PTK2: variants seen among roughly 807,000 people sequenced by gnomAD.
PTK2 encodes protein tyrosine kinase 2.
A neutral mutation model predicts 150.1 loss-of-function variants in PTK2; 45 were observed. That is an observed-to-expected ratio of 0.30 (90% CI 0.24 to 0.38). PTK2 has a LOEUF of 0.38. Ranked by LOEUF, PTK2 falls within the 10% of genes least tolerant of loss-of-function variation. PTK2 has a pLI of 1.00. For synonymous variants in PTK2, 432 were observed against 449.2 expected (o/e 0.96, Z 0.48); for missense variants, 919 against 1,307.3 (o/e 0.70, Z 4.58).
rs144832785 is a variant in PTK2 at position 140,826,322 on chromosome 8, T to C, written c.648+4150A>G. Among the ~76,000 whole-genome samples the C allele has an allele frequency of 3.5e-3, 530 of 152,336 alleles. 4 individuals carry two copies. The highest frequency in any genetic ancestry group is 0.012 in the African/African-American group (503 of 41,578). ...TATAGTTGTTACCCCCATGAGCATA[T>C]GTTGGTACCATATTCCATAGAAGTT... On this transcript the variant is annotated intron_variant, in intron 8 of 31. Coordinates refer to ENST00000522684, the Ensembl canonical transcript of PTK2.
chr8:140,947,624 GT>G (rs879658674), intron 1 of PTK2, among the ~76,000 whole-genome samples: 35 of 147,634 alleles, frequency 2.4e-4, no homozygotes, highest in East Asian at 7.9e-4. Context: ...AAGTATGCAA[GT>G]TTTTTTTTTT....
chr8:140,757,686 C>T (rs1231761479), intron 16 of PTK2, among the ~76,000 whole-genome samples: 1 of 152,116 alleles, frequency 6.6e-6, no homozygotes, highest in African/African-American at 2.4e-5. Context: ...AGTCAATTTT[C>T]TCTGTTATTG....
intron 4 of PTK2, among the ~76,000 whole-genome samples, chr8:140,869,572 G>A (rs759119584): frequency 2.0e-5 from 3 of 150,038 alleles, no homozygotes; most frequent in Non-Finnish European, 4.4e-5. Flanking sequence ...TACATAAGTA[G>A]TAAAACCTTT....
intron 26 of PTK2, among the ~76,000 whole-genome samples, chr8:140,691,662 G>A (rs2100023292): frequency 6.6e-6 from 1 of 152,174 alleles, no homozygotes; most frequent in Non-Finnish European, 1.5e-5. Flanking sequence ...CATTTTTCTA[G>A]TGAACTGATT....
chr8:140,982,824 TAAC>T (rs1223681664), intron 1 of PTK2, among the ~76,000 whole-genome samples: 2 of 152,220 alleles, frequency 1.3e-5, no homozygotes, highest in African/African-American at 4.8e-5. Context: ...TTTAAAGAGT[TAAC>T]AATACTTATT....
At position 140,814,868 on chromosome 8, in the gene PTK2, G is replaced by A. The variant is rs185893681; in HGVS notation, c.867+3409C>T. On this transcript the variant is annotated intron_variant, in intron 10 of 31. Transcript: ENST00000522684. ...CGGCTCACTGCAAGCTCCGCCTCCC[G>A]GGTTGATGCCATTCTCCTGCCTCAG... Among the ~76,000 whole-genome samples the A allele has an allele frequency of 4.4e-3, 664 of 151,012 alleles. 4 individuals are homozygous for A. The highest frequency in any genetic ancestry group is 0.015 in the African/African-American group (622 of 41,100).
chr8:140,748,627 C>T (rs2100060967), intron 17 of PTK2, among the ~76,000 whole-genome samples: 1 of 152,026 alleles, frequency 6.6e-6, no homozygotes, highest in African/African-American at 2.4e-5. Flanking sequence ...GAGTCTGATG[C>T]TAAATGTGGC....
At chr8:140,792,162 C>T (rs537770985) in intron 13 of PTK2, among the ~76,000 whole-genome samples, 1 of 152,320 alleles carries the variant, frequency 6.6e-6, no homozygotes, top group South Asian at 2.1e-4. Context: ...CGCAGAGTTG[C>T]CACCATCCCC....
intron 1 of PTK2, among the ~76,000 whole-genome samples, chr8:140,955,028 A>G (rs914337643): frequency 6.6e-6 from 1 of 152,254 alleles, no homozygotes; most frequent in African/African-American, 2.4e-5. Flanking sequence ...GGAAATATAC[A>G]TGAAATAACT....
At chr8:140,680,895 C>T (rs983743903) in intron 27 of PTK2, among the ~76,000 whole-genome samples, 1 of 152,172 alleles carries the variant, frequency 6.6e-6, no homozygotes, top group Non-Finnish European at 1.5e-5. Context: ...GTTGCATACA[C>T]ACCTGTGACT....
At chr8:140,832,374 A>G (rs1490026167) in intron 7 of PTK2, among the ~76,000 whole-genome samples, 1 of 152,048 alleles carries the variant, frequency 6.6e-6, no homozygotes, top group African/African-American at 2.4e-5. Flanking sequence ...TCTTAATTTG[A>G]ATCTTGGCTC....
chr8:140,902,934 T>TTTTTTTTG (rs2100159213), intron 2 of PTK2, among the ~76,000 whole-genome samples: 1 of 134,196 alleles, frequency 7.5e-6, no homozygotes, highest in Non-Finnish European at 1.6e-5. Context: ...GTTTTTTTTT[T>TTTTTTTTG]TTTTTTTTTT....
intron 5 of PTK2, among the ~76,000 whole-genome samples, chr8:140,848,230 G>A (rs1270227909): frequency 6.6e-6 from 1 of 152,166 alleles, no homozygotes; most frequent in Non-Finnish European, 1.5e-5. Context: ...CACATCAGAT[G>A]AGCATACTCT....
chr8:140,790,956 G>A (rs530034897), intron 13 of PTK2, among the ~76,000 whole-genome samples: 1 of 152,128 alleles, frequency 6.6e-6, no homozygotes, highest in Admixed American at 6.5e-5. Flanking sequence ...CCACAATTAT[G>A]TATGCTGTTG....
At chr8:140,917,266 T>C (rs1021437552) in intron 2 of PTK2, among the ~76,000 whole-genome samples, 5 of 151,776 alleles carry the variant, frequency 3.3e-5, no homozygotes, top group Non-Finnish European at 1.5e-5. Context: ...TGGTGCACGT[T>C]TGTAATCCCA....
intron 14 of PTK2, among the ~76,000 whole-genome samples, chr8:140,778,849 G>A (rs1715134177): frequency 6.6e-6 from 1 of 152,178 alleles, no homozygotes. Context: ...AAAATTGGAG[G>A]TGGCAGTCAG....
intron 2 of PTK2, among the ~76,000 whole-genome samples, chr8:140,897,479 C>T (rs2100156767): frequency 6.6e-6 from 1 of 152,150 alleles, no homozygotes; most frequent in Non-Finnish European, 1.5e-5. Context: ...GCCATCAGGC[C>T]TTCTTCAGCT....
In PTK2 at chr8:140,989,397, AAAAC is replaced by A. The variant is rs972498119; in HGVS notation, c.-122+11724_-122+11727del. Among the ~76,000 whole-genome samples, 11 of 151,974 alleles carry A rather than the reference AAAAC, an allele frequency of 7.2e-5. No individual in the cohort carries two copies. The South Asian group carries it at 8.3e-4, about 11-fold the overall frequency. On this transcript the variant is annotated intron_variant, in intron 1 of 31. Transcript: ENST00000522684. ...AAACAAAGCAAGACCCTATCTCAAAAAAACAAACAAACAAAAAAACTACTGAGAC... is the reference window on the plus strand; with the variant it reads ...AAACAAAGCAAGACCCTATCTCAAAAAAACAAACAAAAAAACTACTGAGAC...
chr8:140,717,879 G>A, intron 22 of PTK2, 170 bp from the exon 26 acceptor site: 2 of 538,702 alleles, frequency 3.7e-6, no homozygotes, highest in South Asian at 2.5e-5. Flanking sequence ...TCCACGAAAT[G>A]ATTCTAGAAT....
Sources: gnomAD v4.1 joint callset for allele counts (sites outside exome capture counted in the v4.1 genomes callset) on GRCh38, gnomAD v4.1.1 for gene constraint, MANE v1.5 for transcripts, NCBI Gene and HGNC (gene_info 2026-07-23, HGNC 2026-07-21) for gene names.